The following STK3 variants were observed in gnomAD, a reference collection of about 807,000 sequenced individuals.
STK3 encodes serine/threonine kinase 3.
A neutral mutation model predicts 58.0 loss-of-function variants in STK3; 41 were observed. That is an observed-to-expected ratio of 0.71 (90% CI 0.55 to 0.92). The LOEUF is 0.92. STK3 is among the 40% of genes least tolerant of loss of function. The pLI is 0.00. For missense variants in STK3, 479 were observed against 602.7 expected, an observed-to-expected ratio of 0.79 and a Z score of 2.15; for synonymous variants, 170 against 191.0, an observed-to-expected ratio of 0.89 and a Z score of 0.91.
intron 4 of STK3, among the ~76,000 whole-genome samples, chr8:98,708,744 A>T (rs1451723948): frequency 6.6e-6 from 1 of 152,192 alleles, no homozygotes; most frequent in Non-Finnish European, 1.5e-5. Context: ...GGTTCTTGGC[A>T]CAAAATCTCC....
At chr8:98,886,465 G>A (rs1379499801) in intron 1 of STK3, among the ~76,000 whole-genome samples, 1 of 152,188 alleles carries the variant, frequency 6.6e-6, no homozygotes, top group South Asian at 2.1e-4. Flanking sequence ...CAATATAAAT[G>A]CTCATCAGTA....
At position 98,372,407 on chromosome 8, in the gene STK3, G is replaced by A. The variant is rs118167119; in HGVS notation, n.112-729C>T. Among the ~76,000 whole-genome samples the A allele has an allele frequency of 6.3e-3, 952 of 152,268 alleles. 32 individuals are homozygous for A. In the East Asian group the frequency reaches 0.11, roughly 17 times the overall value. ...GCCCGCAGACTCCAACAGCCAGGACGCCACAGCTCCCCGGCCCCTCCACCC... is the reference window on the plus strand; with the variant it reads ...GCCCGCAGACTCCAACAGCCAGGACACCACAGCTCCCCGGCCCCTCCACCC... On this transcript the variant is annotated intron_variant and non_coding_transcript_variant, in intron 2 of 2. Transcript: ENST00000518704.
At chr8:98,760,855 G>GA (rs1830573812) in intron 3 of STK3, among the ~76,000 whole-genome samples, 1 of 151,092 alleles carries the variant, frequency 6.6e-6, no homozygotes, top group African/African-American at 2.4e-5. Context: ...ACTCAAAATA[G>GA]AAAGAGTATT....
intron 8 of STK3, among the ~76,000 whole-genome samples, chr8:98,560,906 G>A (rs1441936603): frequency 2.0e-5 from 3 of 151,950 alleles, no homozygotes; most frequent in Admixed American, 6.6e-5. Flanking sequence ...GGCAGCATGC[G>A]CCTACAGTCC....
At chr8:98,579,630 G>C (rs531294851) in intron 8 of STK3, 34 bp downstream of exon 8, 47 of 1,595,858 alleles carry the variant, frequency 2.9e-5, no homozygotes, top group Admixed American at 7.1e-5. Context: ...TAACTCAGAA[G>C]AAAAAAATCA....
chr8:98,865,952 C>T (rs1283137697), intron 3 of STK3, among the ~76,000 whole-genome samples: 6 of 152,252 alleles, frequency 3.9e-5, no homozygotes, highest in Non-Finnish European at 7.3e-5. Context: ...CACAGTCCTG[C>T]AGTCTGGAGT....
intron 3 of STK3, among the ~76,000 whole-genome samples, chr8:98,863,619 A>T (rs562280222): frequency 1.9e-4 from 29 of 152,338 alleles, no homozygotes; most frequent in Admixed American, 2.0e-4. Flanking sequence ...TTGCTATAAA[A>T]CAACCAGTAT....
intron 3 of STK3, chr8:98,429,028 T>C: frequency 1.2e-6 from 2 of 1,613,626 alleles, no homozygotes; most frequent in East Asian, 2.2e-5. Context: ...GCCTACACCA[T>C]TGAAAAGGAG....
chr8:98,824,560 C>T (rs1835129132), intron 1 of STK3, among the ~76,000 whole-genome samples: 1 of 152,232 alleles, frequency 6.6e-6, no homozygotes, highest in Admixed American at 6.5e-5. Context: ...AATTGACTTG[C>T]TCAAGTGCTC....
chr8:98,460,744 C>T (rs938139411), intron 10 of STK3, among the ~76,000 whole-genome samples: 2 of 152,122 alleles, frequency 1.3e-5, no homozygotes, highest in Non-Finnish European at 2.9e-5. Context: ...ATGAGGGGCT[C>T]TTTCTCCTTC....
Position 98,428,936 on chromosome 8 carries a change from G to C in STK3, n.483+5191C>G. 2 of 1,614,090 alleles carry C rather than the reference G, an allele frequency of 1.2e-6. No homozygotes were observed. Among genetic ancestry groups the C allele is most frequent in the Non-Finnish European group, 1.7e-6 (2 of 1,180,028 alleles). On this transcript the variant is annotated intron_variant and non_coding_transcript_variant, in intron 3 of 3. Coordinates refer to the STK3 transcript ENST00000517832. The surrounding 1 kb of genome is among the most constrained non-coding windows in gnomAD (Gnocchi z 6.7). ...ACTCCACTGGCCTCCGCTCCCTGGGGGCCACTTTGAAATACAGCTACAAAG... is the reference window on the plus strand; with the variant it reads ...ACTCCACTGGCCTCCGCTCCCTGGGCGCCACTTTGAAATACAGCTACAAAG...
At chr8:98,797,561 A>G (rs1299140140) in intron 1 of STK3, among the ~76,000 whole-genome samples, 1 of 152,222 alleles carries the variant, frequency 6.6e-6, no homozygotes, top group East Asian at 1.9e-4. Context: ...AAAGGAACAC[A>G]ACACAACTTT....
intron 7 of STK3, among the ~76,000 whole-genome samples, chr8:98,594,267 C>A (rs1586962237): frequency 6.6e-6 from 1 of 152,088 alleles, no homozygotes; most frequent in Non-Finnish European, 1.5e-5. Context: ...GATCATGCCA[C>A]TGCACTCCAG....
chr8:98,781,384 C>T (rs547888320), intron 1 of STK3, among the ~76,000 whole-genome samples: 139 of 152,182 alleles, frequency 9.1e-4, no homozygotes, highest in African/African-American at 2.9e-3. Flanking sequence ...CCATGAAATG[C>T]CAATCTGTGC....
At chr8:98,584,732 C>T (rs1814324038) in intron 7 of STK3, among the ~76,000 whole-genome samples, 1 of 149,546 alleles carries the variant, frequency 6.7e-6, no homozygotes, top group Non-Finnish European at 1.5e-5. Context: ...AAAAGTGTTC[C>T]TATTTCTCCA....
chr8:98,508,938 A>G (rs1824290853), intron 10 of STK3, among the ~76,000 whole-genome samples: 1 of 152,140 alleles, frequency 6.6e-6, no homozygotes, highest in African/African-American at 2.4e-5. Context: ...ATGTATTCTT[A>G]CATACCTTAT....
the STK3 span, among the ~76,000 whole-genome samples, chr8:98,350,245 T>C: frequency 6.6e-6 from 1 of 152,178 alleles, no homozygotes. Context: ...GCCACCAGTC[T>C]CTTTGCTAAA....
chr8:98,376,501 G>T, intron 2 of STK3, among the ~76,000 whole-genome samples: 1 of 145,278 alleles, frequency 6.9e-6, no homozygotes, highest in East Asian at 2.1e-4. Flanking sequence ...CAAACCCAAG[G>T]TCGCATAGAT....
intron 1 of STK3, among the ~76,000 whole-genome samples, chr8:98,801,383 C>T (rs1260877934): frequency 6.6e-6 from 1 of 152,122 alleles, no homozygotes; most frequent in Non-Finnish European, 1.5e-5. Context: ...GCTCGGTCCC[C>T]TTCCACACTG....
Sources: allele counts gnomAD v4.1 joint callset (sites outside exome capture counted in the v4.1 genomes callset), GRCh38; gene constraint gnomAD v4.1.1; non-coding constraint Gnocchi (gnomAD v3.1); transcripts MANE v1.5; gene names NCBI Gene and HGNC (gene_info 2026-07-23, HGNC 2026-07-21).